MRTFB: variants seen among roughly 807,000 people sequenced by gnomAD.
The protein encoded by MRTFB is myocardin-related transcription factor B.
A neutral mutation model predicts 104.2 loss-of-function variants in MRTFB; 29 were observed. The observed-to-expected ratio is 0.28, with a 90% CI of 0.21 to 0.38. The LOEUF is 0.38. Ranked by LOEUF, MRTFB falls within the 10% of genes least tolerant of loss-of-function variation. The pLI, the probability that MRTFB is intolerant of heterozygous loss-of-function variation, is 1.00. For missense variants in MRTFB, 1,270 were observed against 1,341.6 expected (o/e 0.95, Z 0.83); for synonymous variants, 535 against 519.5 (o/e 1.03, Z -0.41).
chr16:14,067,619 T>G (rs185185230), upstream of MRTFB, among the ~76,000 whole-genome samples: 568 of 152,266 alleles, frequency 3.7e-3, 9 homozygotes, highest in Admixed American at 0.029. Context: ...CCAAGTCATA[T>G]CTTTAAAAAT....
intron 3 of MRTFB, chr16:14,200,102 A>G (rs2040615326): frequency 3.4e-6 from 2 of 581,500 alleles, no homozygotes; most frequent in Admixed American, 3.3e-5. Context: ...GACCTTATCA[A>G]AGTTTTAAGG....
chr16:14,162,987 G>T (rs1378490822), intron 3 of MRTFB, among the ~76,000 whole-genome samples: 1 of 151,700 alleles, frequency 6.6e-6, no homozygotes, highest in Non-Finnish European at 1.5e-5. Flanking sequence ...CTATCTTTTT[G>T]TCCTATAATG....
the MRTFB span, among the ~76,000 whole-genome samples, chr16:14,060,124 G>A: frequency 2.0e-5 from 3 of 148,154 alleles, no homozygotes; most frequent in East Asian, 2.0e-4. Context: ...CTCATGCCTC[G>A]GCTTCCAGAG....
At position 14,265,267 on chromosome 16, in the gene MRTFB, A is replaced by G. The variant is rs529626302; in HGVS notation, c.*3823A>G. On this transcript the variant is annotated 3_prime_UTR_variant, in exon 17 of 17. Coordinates refer to ENST00000571589, the MANE Select transcript of MRTFB (RefSeq NM_001308142.2). ...TTCACAAATAACCCTCCATTTTTCA[A>G]TATCTGCTACTGTAAACATGAATAT... 62 of 152,288 alleles carry G rather than the reference A, an allele frequency of 4.1e-4. No individual in the cohort carries two copies. Among genetic ancestry groups the G allele is most frequent in the African/African-American group, 1.4e-3 (58 of 41,552 alleles). 9.4% of individuals were successfully genotyped at this position (152,288 alleles called of 1,614,324 possible). A position where few individuals can be genotyped will look rare whatever the true frequency, so the allele number is the denominator to read the frequency against.
chr16:14,195,981 A>T (rs1159262655), intron 3 of MRTFB, among the ~76,000 whole-genome samples: 1 of 152,226 alleles, frequency 6.6e-6, no homozygotes. Flanking sequence ...AATTAAGTGG[A>T]TGATTAATAT....
intron 2 of MRTFB, among the ~76,000 whole-genome samples, chr16:14,134,539 A>G (rs2037606370): frequency 6.6e-6 from 1 of 152,226 alleles, no homozygotes. Context: ...AAGTGTGGTA[A>G]CTGCCTGTTT....
chr16:14,131,385 G>A (rs907419070), intron 2 of MRTFB, among the ~76,000 whole-genome samples: 16 of 152,174 alleles, frequency 1.1e-4, no homozygotes, highest in African/African-American at 1.7e-4. Context: ...GTTCATGGAT[G>A]TGCATTTGGT....
chr16:14,040,624 G>A, the MRTFB span, among the ~76,000 whole-genome samples: 3 of 151,830 alleles, frequency 2.0e-5, no homozygotes, highest in East Asian at 1.9e-4. Context: ...CACCACAACC[G>A]GCTAATTTTT....
At chr16:14,119,550 A>C (rs1039100539) in intron 2 of MRTFB, among the ~76,000 whole-genome samples, 4 of 152,124 alleles carry the variant, frequency 2.6e-5, no homozygotes, top group Non-Finnish European at 2.9e-5. Context: ...TTTGGTTTTA[A>C]ATTTTACTAG....
intron 15 of MRTFB, among the ~76,000 whole-genome samples, chr16:14,256,032 G>C (rs1313109913): frequency 6.6e-6 from 1 of 150,806 alleles, no homozygotes; most frequent in Non-Finnish European, 1.5e-5. Flanking sequence ...AGTATCACTT[G>C]ATCTCAGGGG....
intron 3 of MRTFB, among the ~76,000 whole-genome samples, chr16:14,196,463 G>T (rs1398306679): frequency 6.6e-6 from 1 of 152,200 alleles, no homozygotes; most frequent in African/African-American, 2.4e-5. Flanking sequence ...TATACCACCT[G>T]CCACTTCCCC....
At chr16:14,075,463 T>C (rs2141805040) in intron 1 of MRTFB, among the ~76,000 whole-genome samples, 1 of 152,350 alleles carries the variant, frequency 6.6e-6, no homozygotes, top group East Asian at 1.9e-4. Flanking sequence ...CGTGAACATA[T>C]AAAAATCACG....
chr16:14,096,500 T>C (rs1206979724), intron 2 of MRTFB, among the ~76,000 whole-genome samples: 1 of 152,190 alleles, frequency 6.6e-6, no homozygotes, highest in Non-Finnish European at 1.5e-5. Flanking sequence ...TGGATTCTTT[T>C]AGAGAAAAAG....
intron 9 of MRTFB, among the ~76,000 whole-genome samples, chr16:14,239,169 C>G (rs2042654336): frequency 6.7e-6 from 1 of 148,954 alleles, no homozygotes; most frequent in South Asian, 2.1e-4. Flanking sequence ...TTTAAGAATT[C>G]ATGACATGTC....
chr16:14,028,259 G>C, the MRTFB span, among the ~76,000 whole-genome samples: 6 of 141,006 alleles, frequency 4.3e-5, no homozygotes, highest in African/African-American at 1.2e-4. Flanking sequence ...GAATACCCTA[G>C]TGCAATGTTT....
At chr16:14,040,623 C>T in the MRTFB span, among the ~76,000 whole-genome samples, 14 of 151,984 alleles carry the variant, frequency 9.2e-5, no homozygotes, top group Admixed American at 5.2e-4. Context: ...CCACCACAAC[C>T]GGCTAATTTT....
At chr16:14,017,593 GTATATATATATATATA>G in the MRTFB span, among the ~76,000 whole-genome samples, 12,830 of 58,798 alleles carry the variant, frequency 0.22, 1,898 homozygotes, top group Middle Eastern at 0.35. Flanking sequence ...ACTGACTACA[GTATATATATATATATA>G]TATATATATA....
At chr16:14,023,551 G>C in the MRTFB span, among the ~76,000 whole-genome samples, 5 of 151,254 alleles carry the variant, frequency 3.3e-5, no homozygotes, top group African/African-American at 1.2e-4. Context: ...AAAATGAAAA[G>C]AGTAACAATA....
At chr16:14,171,499 GAAA>G (rs3086621) in intron 3 of MRTFB, among the ~76,000 whole-genome samples, 2 of 138,822 alleles carry the variant, frequency 1.4e-5, no homozygotes, top group Non-Finnish European at 3.2e-5. Flanking sequence ...ACTCTGTCTC[GAAA>G]AAAAAAAAAA....
Sources: allele counts gnomAD v4.1 joint callset (sites outside exome capture counted in the v4.1 genomes callset), GRCh38; gene constraint gnomAD v4.1.1; transcripts MANE v1.5; gene names NCBI Gene and HGNC (gene_info 2026-07-23, HGNC 2026-07-21).